Variants in FMN1 observed in about 807,000 individuals in gnomAD.
FMN1 encodes formin 1, also known as formin-1.
Under a neutral mutation model 132.4 loss-of-function variants are expected in FMN1, and 110 were observed. The observed-to-expected ratio is 0.83, with a 90% CI of 0.71 to 0.97. FMN1 has a LOEUF of 0.97. Ranked by LOEUF, FMN1 falls within the 50% of genes least tolerant of loss-of-function variation. The pLI, the probability that FMN1 is intolerant of heterozygous loss-of-function variation, is 0.00. For synonymous variants in FMN1, 722 were observed against 651.7 expected, an observed-to-expected ratio of 1.11 and a Z score of -1.64; for missense variants, 1,792 against 1,705.3, an observed-to-expected ratio of 1.05 and a Z score of -0.90.
At chr15:32,799,671 A>G (rs1235321495) in intron 18 of FMN1, among the ~76,000 whole-genome samples, 2 of 152,158 alleles carry the variant, frequency 1.3e-5, no homozygotes, top group South Asian at 2.1e-4. Flanking sequence ...AAGAATCCCA[A>G]TTTTCCAGAG....
At chr15:32,837,347 G>T in intron 17 of FMN1, 1 of 162,588 alleles carries the variant, frequency 6.2e-6, no homozygotes. Flanking sequence ...TCTGGGTGGT[G>T]GTGGCGACAT....
chr15:33,011,665 A>G (rs769987839), intron 6 of FMN1, among the ~76,000 whole-genome samples: 3 of 152,174 alleles, frequency 2.0e-5, no homozygotes, highest in Non-Finnish European at 2.9e-5. Flanking sequence ...ATCAATAGAG[A>G]TAACATTCCC....
intron 9 of FMN1, among the ~76,000 whole-genome samples, chr15:32,954,173 C>T (rs375917391): frequency 7.9e-5 from 12 of 152,180 alleles, no homozygotes; most frequent in African/African-American, 2.4e-4. Context: ...TCAATACCCC[C>T]ACTACATAAA....
chr15:33,079,485 T>G (rs555576540), intron 5 of FMN1, among the ~76,000 whole-genome samples: 1 of 152,282 alleles, frequency 6.6e-6, no homozygotes, highest in African/African-American at 2.4e-5. Context: ...CAGCTGGGCA[T>G]GGTGGCACCT....
chr15:32,918,755 C>T (rs2060746312), intron 10 of FMN1, among the ~76,000 whole-genome samples: 1 of 152,256 alleles, frequency 6.6e-6, no homozygotes. Context: ...AGTTCTGGTT[C>T]TTTTAAGCCA....
intron 15 of FMN1, among the ~76,000 whole-genome samples, chr15:32,890,097 T>C (rs2059989921): frequency 6.6e-6 from 1 of 152,214 alleles, no homozygotes; most frequent in African/African-American, 2.4e-5. Context: ...GAAAATGCTG[T>C]TAATTCATTC....
intron 9 of FMN1, among the ~76,000 whole-genome samples, chr15:32,935,586 T>C (rs1311779010): frequency 1.3e-5 from 2 of 152,152 alleles, no homozygotes; most frequent in African/African-American, 4.8e-5. Flanking sequence ...AATGTGTCTA[T>C]TGATCTGCTT....
chr15:32,901,883 T>C (rs375625244), intron 13 of FMN1, 28 bp downstream of exon 13: 1 of 1,586,038 alleles, frequency 6.3e-7, no homozygotes, highest in African/African-American at 1.4e-5. Context: ...AGAGCAAGGC[T>C]ATCTTTTAAA....
At chr15:32,849,787 G>C (rs1338355194) in intron 17 of FMN1, among the ~76,000 whole-genome samples, 1 of 152,136 alleles carries the variant, frequency 6.6e-6, no homozygotes, top group East Asian at 1.9e-4. Context: ...CTCCAGAGCA[G>C]CTGGGATTAC....
chr15:32,985,700 C>T (rs899724847), intron 7 of FMN1, among the ~76,000 whole-genome samples: 1 of 151,374 alleles, frequency 6.6e-6, no homozygotes, highest in Non-Finnish European at 1.5e-5. Context: ...AAATCTGGCA[C>T]TCTTAAGTCC....
chr15:33,121,885 G>A (rs570365063), intron 4 of FMN1, among the ~76,000 whole-genome samples: 23 of 152,272 alleles, frequency 1.5e-4, no homozygotes, highest in African/African-American at 5.1e-4. Context: ...CAAAAAGAAA[G>A]CAGTAGACTT....
intron 5 of FMN1, among the ~76,000 whole-genome samples, chr15:33,082,868 T>C (rs1230466632): frequency 3.9e-5 from 6 of 152,140 alleles, no homozygotes; most frequent in Non-Finnish European, 2.9e-5. Flanking sequence ...CAGTTAAATA[T>C]GAATTTTAGA....
chr15:33,033,906 G>A (rs894037742), intron 6 of FMN1, among the ~76,000 whole-genome samples: 4 of 151,916 alleles, frequency 2.6e-5, no homozygotes, highest in African/African-American at 7.3e-5. Flanking sequence ...CTTTCCTCAC[G>A]TAGCATTCAG....
At chr15:33,038,936 C>T (rs1301827648) in intron 6 of FMN1, among the ~76,000 whole-genome samples, 1 of 152,074 alleles carries the variant, frequency 6.6e-6, no homozygotes, top group South Asian at 2.1e-4. Context: ...AATGTAGCAC[C>T]CTCCTATATA....
In FMN1 at chr15:32,925,416, A is replaced by G. The variant is rs142271719; in HGVS notation, c.3226+758T>C. Among the ~76,000 whole-genome samples, 1,120 of 152,328 alleles carry G rather than the reference A, an allele frequency of 7.4e-3. 12 individuals are homozygous for G. The highest frequency in any genetic ancestry group is 0.021 in the African/African-American group (884 of 41,566). On this transcript the variant is annotated intron_variant, in intron 10 of 20. Coordinates refer to ENST00000616417, the MANE Select transcript of FMN1 (RefSeq NM_001277313.2). ...AGTCTCTAGATCAGACAGTTTATAG[A>G]AAACAGGGGACAGGGGAACATGATA... is the stretch of plus-strand genomic sequence containing the variant.
intron 9 of FMN1, among the ~76,000 whole-genome samples, chr15:32,939,369 G>C (rs1322483431): frequency 6.6e-6 from 1 of 151,550 alleles, no homozygotes; most frequent in African/African-American, 2.4e-5. Flanking sequence ...AAAATATTAA[G>C]GGGAAAAAAA....
chr15:33,000,135 C>T (rs948719104), intron 7 of FMN1, among the ~76,000 whole-genome samples: 3 of 152,094 alleles, frequency 2.0e-5, no homozygotes, highest in Non-Finnish European at 2.9e-5. Context: ...AGAACTTCCA[C>T]GAGTAACTAA....
chr15:32,859,930 T>C (rs1356826176), intron 16 of FMN1, among the ~76,000 whole-genome samples: 2 of 152,018 alleles, frequency 1.3e-5, no homozygotes, highest in Admixed American at 1.3e-4. Flanking sequence ...CCCAGCTACA[T>C]GGGAGGCTGA....
chr15:33,134,917 G>A (rs1197406796), intron 4 of FMN1, among the ~76,000 whole-genome samples: 4 of 152,264 alleles, frequency 2.6e-5, no homozygotes, highest in African/African-American at 7.2e-5. Flanking sequence ...CAGGAGAATC[G>A]CTTGAACCTG....
Sources: allele counts gnomAD v4.1 joint callset (sites outside exome capture counted in the v4.1 genomes callset), GRCh38; gene constraint gnomAD v4.1.1; transcripts MANE v1.5; gene names NCBI Gene and HGNC (gene_info 2026-07-23, HGNC 2026-07-21).